Variants in GTF2F2 observed in about 807,000 individuals in gnomAD.
GTF2F2 encodes ATP-dependent helicase GTF2F2.
Under a neutral mutation model 42.2 loss-of-function variants are expected in GTF2F2, and 23 were observed. That is an observed-to-expected ratio of 0.55 (90% CI 0.39 to 0.77). GTF2F2 has a LOEUF of 0.77. Among genes scored for constraint, GTF2F2 ranks in the 30% least tolerant of loss-of-function variants. The probability of loss-of-function intolerance (pLI) is 0.00; values close to 1 mark genes in which losing one functional copy is unlikely to be tolerated. For missense variants in GTF2F2, 261 were observed against 287.2 expected, an observed-to-expected ratio of 0.91 and a Z score of 0.66; for synonymous variants, 105 against 100.8, an observed-to-expected ratio of 1.04 and a Z score of -0.25.
intron 4 of GTF2F2, among the ~76,000 whole-genome samples, chr13:45,173,203 A>G (rs1180578422): frequency 6.6e-6 from 1 of 152,148 alleles, no homozygotes; most frequent in African/African-American, 2.4e-5. Flanking sequence ...GTAGATTCAC[A>G]TGTAGTTGTA....
chr13:45,173,817 C>T (rs1032847231), intron 4 of GTF2F2, among the ~76,000 whole-genome samples: 2 of 151,816 alleles, frequency 1.3e-5, no homozygotes, highest in Admixed American at 1.3e-4. Flanking sequence ...TGGGGTTTCA[C>T]GGTGTTAGCC....
intron 3 of GTF2F2, 42 bp from the exon 4 acceptor site, chr13:45,151,645 A>G: frequency 1.5e-6 from 2 of 1,329,196 alleles, no homozygotes; most frequent in Non-Finnish European, 2.1e-6. Flanking sequence ...TATAGTTTGA[A>G]TACAGAAGTC....
chr13:45,263,955 A>G (rs985094026), intron 6 of GTF2F2: 1 of 156,892 alleles, frequency 6.4e-6, no homozygotes, highest in Non-Finnish European at 1.4e-5. Flanking sequence ...ATTGAATCAC[A>G]TGGAAGTTTG....
At chr13:45,229,354 T>C (rs979658359) in intron 5 of GTF2F2, among the ~76,000 whole-genome samples, 4 of 151,966 alleles carry the variant, frequency 2.6e-5, no homozygotes, top group African/African-American at 4.8e-5. Context: ...AGCAAGGCCA[T>C]CACCTCCGGA....
intron 7 of GTF2F2, among the ~76,000 whole-genome samples, chr13:45,282,499 C>A (rs1235887261): frequency 1.3e-5 from 2 of 152,086 alleles, no homozygotes; most frequent in Non-Finnish European, 1.5e-5. Context: ...CTTCTTATCA[C>A]TTTATTTATT....
chr13:45,281,060 G>A (rs1566161271), intron 7 of GTF2F2, among the ~76,000 whole-genome samples: 1 of 152,218 alleles, frequency 6.6e-6, no homozygotes, highest in African/African-American at 2.4e-5. Flanking sequence ...TTTATGAACA[G>A]TGTCCTGTTT....
chr13:45,169,445 T>C (rs1010540036), intron 4 of GTF2F2, among the ~76,000 whole-genome samples: 7 of 152,154 alleles, frequency 4.6e-5, no homozygotes, highest in African/African-American at 1.7e-4. Flanking sequence ...CAGCCCCCAG[T>C]ACTATGAGAA....
intron 1 of GTF2F2, among the ~76,000 whole-genome samples, chr13:45,131,932 GAA>G (rs1869377970): frequency 7.1e-6 from 1 of 140,790 alleles, no homozygotes; most frequent in Non-Finnish European, 1.5e-5. Context: ...GAGAGAGAGA[GAA>G]AAGGTAGAGA....
chr13:45,141,960 CTTG>C (rs944903947), intron 2 of GTF2F2, among the ~76,000 whole-genome samples: 10 of 152,200 alleles, frequency 6.6e-5, no homozygotes, highest in Non-Finnish European at 1.2e-4. Context: ...TTTTGCTTTC[CTTG>C]TTGTTCTCTC....
intron 4 of GTF2F2, among the ~76,000 whole-genome samples, chr13:45,174,597 T>C (rs1871769919): frequency 6.6e-6 from 1 of 151,792 alleles, no homozygotes; most frequent in African/African-American, 2.4e-5. Context: ...ACCATTTTTT[T>C]GGTATGAGTT....
chr13:45,138,671 T>C (rs1869759772), intron 2 of GTF2F2, among the ~76,000 whole-genome samples: 1 of 152,150 alleles, frequency 6.6e-6, no homozygotes. Context: ...TTCGAGACAA[T>C]GTCTCACTCT....
chr13:45,270,199 G>A (rs1876731427), intron 7 of GTF2F2, among the ~76,000 whole-genome samples: 1 of 152,046 alleles, frequency 6.6e-6, no homozygotes, highest in African/African-American at 2.4e-5. Flanking sequence ...TTTTTCTCTT[G>A]TTTGCCAGTA....
intron 5 of GTF2F2, among the ~76,000 whole-genome samples, chr13:45,212,459 C>CTTTTCTTTTCTTTCTTTTCTTTTCT (rs55758635): frequency 1.3e-5 from 1 of 79,290 alleles, no homozygotes; most frequent in Non-Finnish European, 2.7e-5. Context: ...TTCTTTCTTT[C>CTTTTCTTTTCTTTCTTTTCTTTTCT]TTTCTTTCTT....
intron 4 of GTF2F2, among the ~76,000 whole-genome samples, chr13:45,185,580 G>GT (rs1872382054): frequency 6.6e-6 from 1 of 152,090 alleles, no homozygotes; most frequent in Admixed American, 6.6e-5. Context: ...CAGTAACAAT[G>GT]TATTATATAC....
At chr13:45,212,902 T>C (rs1376022767) in intron 5 of GTF2F2, among the ~76,000 whole-genome samples, 2 of 149,152 alleles carry the variant, frequency 1.3e-5, no homozygotes, top group East Asian at 2.0e-4. Context: ...CCACCACGCC[T>C]GGCTAATTTT....
At chr13:45,267,496 C>G in intron 7 of GTF2F2, 120 bp downstream of exon 7, 3 of 645,914 alleles carry the variant, frequency 4.6e-6, no homozygotes, top group Non-Finnish European at 7.5e-6. Flanking sequence ...AATTTTATGA[C>G]AACACTCAGA....
chr13:45,228,283 C>CTTTTTTTTTTTTTTT lies in GTF2F2; in HGVS notation c.386+20780_386+20794dup, dbSNP rs372901327. ...TTTCCTTATTGCTGCCAGAGTTAATCTTTTTTTTTTTTTTTTGGAGACGGA... is the reference window on the plus strand; with the variant it reads ...TTTCCTTATTGCTGCCAGAGTTAATCTTTTTTTTTTTTTTTTTTTTTTTTTTTTTTTGGAGACGGA... On this transcript the variant is annotated intron_variant, in intron 5 of 7. Coordinates refer to ENST00000340473, the MANE Select transcript of GTF2F2 (RefSeq NM_004128.3). 1.0e-3 allele frequency among the ~76,000 whole-genome samples: 93 copies of CTTTTTTTTTTTTTTT among 92,684 alleles called. 3 individuals are homozygous for CTTTTTTTTTTTTTTT. Among genetic ancestry groups the CTTTTTTTTTTTTTTT allele is most frequent in the African/African-American group, 3.9e-3 (68 of 17,622 alleles). The allele number at this position is 92,684 out of a possible 152,430, so 60.8% of individuals were successfully genotyped here. A position where few individuals can be genotyped will look rare whatever the true frequency, so the allele number is the denominator to read the frequency against.
chr13:45,217,297 CAA>C (rs397851526), intron 5 of GTF2F2, among the ~76,000 whole-genome samples: 107 of 85,446 alleles, frequency 1.3e-3, no homozygotes, highest in Admixed American at 1.2e-3. Context: ...GACTCCATCT[CAA>C]AAAAAAAAAA....
intron 2 of GTF2F2, among the ~76,000 whole-genome samples, chr13:45,148,227 G>A (rs539437952): frequency 6.6e-6 from 1 of 152,218 alleles, no homozygotes; most frequent in South Asian, 2.1e-4. Context: ...AGTCTACTCT[G>A]TATATATTTT....
Sources: gnomAD v4.1 joint callset for allele counts (sites outside exome capture counted in the v4.1 genomes callset) on GRCh38, gnomAD v4.1.1 for gene constraint, MANE v1.5 for transcripts, NCBI Gene and HGNC (gene_info 2026-07-23, HGNC 2026-07-21) for gene names.